USP12: variants seen among roughly 807,000 people sequenced by gnomAD.
The protein encoded by USP12 is ubiquitin carboxyl-terminal hydrolase 12.
In USP12, 19 loss-of-function variants were observed where a neutral mutation model predicts 45.5. That is an observed-to-expected ratio of 0.42 (90% CI 0.29 to 0.61). USP12 has a LOEUF of 0.61. USP12 is among the 20% of genes least tolerant of loss of function. The pLI, the probability that USP12 is intolerant of heterozygous loss-of-function variation, is 0.22. For missense variants in USP12, 242 were observed against 447.7 expected (o/e 0.54, Z 4.15); for synonymous variants, 149 against 148.8 (o/e 1.00, Z -0.01).
At chr13:27,126,513 C>T (rs1219912206) in intron 1 of USP12, among the ~76,000 whole-genome samples, 1 of 152,058 alleles carries the variant, frequency 6.6e-6, no homozygotes, top group East Asian at 1.9e-4. Context: ...CAATGAAAAC[C>T]CTGAACTACA....
Position 27,167,218 on chromosome 13 carries a change from C to A in USP12, c.48+4374G>T, listed in dbSNP as rs60395417. On this transcript the variant is annotated intron_variant, in intron 1 of 8. Transcript: ENST00000282344. The stretch of plus-strand genomic sequence containing the variant: ...TGGAGGTTGCGGTGAGCCAAGATTG[C>A]AGCATTGCACTCCAGCCTGGGCAAC... Among the ~76,000 whole-genome samples, 308 of 151,798 alleles carry A rather than the reference C, an allele frequency of 2.0e-3. 1 individual carries two copies. Among genetic ancestry groups the A allele is most frequent in the Middle Eastern group, 6.8e-3 (2 of 292 alleles).
chr13:27,140,211 G>A (rs374422254), intron 1 of USP12, among the ~76,000 whole-genome samples: 4 of 152,230 alleles, frequency 2.6e-5, no homozygotes, highest in Non-Finnish European at 5.9e-5. Flanking sequence ...TCCCCTGAAA[G>A]CAAAGATGTT....
chr13:27,103,607 A>AAAAAAATAATAATAAT (rs372985958), intron 3 of USP12, among the ~76,000 whole-genome samples: 11 of 128,508 alleles, frequency 8.6e-5, no homozygotes, highest in African/African-American at 3.2e-4. Flanking sequence ...TCAAAAAAAA[A>AAAAAAATAATAATAAT]AATAATAATA....
intron 1 of USP12, among the ~76,000 whole-genome samples, chr13:27,157,222 C>CA (rs1394340921): frequency 6.6e-6 from 1 of 151,970 alleles, no homozygotes; most frequent in Admixed American, 6.6e-5. Context: ...TTTTTATTTT[C>CA]AATAAATTTT....
At chr13:27,081,849 A>G (rs989644527) in intron 6 of USP12, among the ~76,000 whole-genome samples, 2 of 152,230 alleles carry the variant, frequency 1.3e-5, no homozygotes, top group African/African-American at 4.8e-5. Flanking sequence ...TGTATTGTCA[A>G]TAAGCAGTAA....
chr13:27,069,084 T>G lies in USP12; in HGVS notation c.*199A>C. The G allele has an allele frequency of 1.6e-6, 1 of 606,582 alleles. No homozygotes were observed. The highest frequency in any genetic ancestry group is 2.9e-6 in the Non-Finnish European group (1 of 342,708). 37.6% of individuals were successfully genotyped at this position (606,582 alleles called of 1,614,324 possible). ...GTTGTATGGAACTGTACAGACAGCA[T>G]GATACCTGAGCAAATAAATCAACTA... is the stretch of plus-strand genomic sequence containing the variant. On this transcript the variant is annotated 3_prime_UTR_variant, in exon 9 of 9. Coordinates refer to ENST00000282344, the MANE Select transcript of USP12 (RefSeq NM_182488.4).
intron 7 of USP12, 37 bp downstream of exon 7, chr13:27,075,154 A>C: frequency 6.2e-7 from 1 of 1,601,420 alleles, no homozygotes; most frequent in Non-Finnish European, 8.6e-7. Flanking sequence ...CTTCTAACCT[A>C]GGAATTCCAC....
At chr13:27,162,457 C>A (rs1185728074) in intron 1 of USP12, among the ~76,000 whole-genome samples, 1 of 152,198 alleles carries the variant, frequency 6.6e-6, no homozygotes, top group Admixed American at 6.5e-5. Context: ...TGCTGCAGGG[C>A]TGACTTTAAG....
At position 27,117,668 on chromosome 13, in the gene USP12, A is replaced by C. The variant is rs572529003; in HGVS notation, c.49-1072T>G. 7.2e-5 allele frequency: 34 copies of C among 472,826 alleles called. 1 individual carries two copies. Among genetic ancestry groups the C allele is most frequent in the South Asian group, 5.0e-4 (33 of 65,624 alleles). 29.3% of individuals were successfully genotyped at this position (472,826 alleles called of 1,614,324 possible). On this transcript the variant is annotated intron_variant, in intron 1 of 8. Coordinates refer to ENST00000282344, the MANE Select transcript of USP12 (RefSeq NM_182488.4). ...AAAGCAGACCGAAGAATGTATATTA[A>C]ATATACTATATACCTGAGTGAGTGC...
At chr13:27,102,812 GCA>G (rs1874935244) in intron 3 of USP12, among the ~76,000 whole-genome samples, 1 of 152,138 alleles carries the variant, frequency 6.6e-6, no homozygotes, top group Non-Finnish European at 1.5e-5. Context: ...GTACCTGAAG[GCA>G]TATTTCTGTA....
At chr13:27,158,352 C>A (rs1877935797) in intron 1 of USP12, among the ~76,000 whole-genome samples, 1 of 152,164 alleles carries the variant, frequency 6.6e-6, no homozygotes, top group Non-Finnish European at 1.5e-5. Context: ...GGGAACCAAC[C>A]CTGTCGACAT....
chr13:27,116,336 T>C (rs533297195), intron 2 of USP12, among the ~76,000 whole-genome samples, 180 bp downstream of exon 2: 56 of 146,202 alleles, frequency 3.8e-4, no homozygotes, highest in Admixed American at 3.2e-3. Flanking sequence ...AAAAAAAAGA[T>C]GTCAGGCAAC....
At chr13:27,151,248 T>C (rs957235363) in intron 1 of USP12, among the ~76,000 whole-genome samples, 1 of 151,956 alleles carries the variant, frequency 6.6e-6, no homozygotes, top group African/African-American at 2.4e-5. Context: ...CAAGAATCAT[T>C]TGAACACGGG....
At chr13:27,145,774 T>C (rs569111199) in intron 1 of USP12, among the ~76,000 whole-genome samples, 15 of 152,036 alleles carry the variant, frequency 9.9e-5, no homozygotes, top group Non-Finnish European at 1.6e-4. Context: ...TTGTTATCAA[T>C]AGAGAAAATG....
chr13:27,163,393 T>G (rs1302840348), intron 1 of USP12, among the ~76,000 whole-genome samples: 1 of 152,152 alleles, frequency 6.6e-6, no homozygotes, highest in African/African-American at 2.4e-5. Flanking sequence ...CATCCCTCCA[T>G]GTCCACATAA....
At chr13:27,168,100 C>T (rs958013710) in intron 1 of USP12, among the ~76,000 whole-genome samples, 3 of 152,126 alleles carry the variant, frequency 2.0e-5, no homozygotes, top group African/African-American at 7.2e-5. Flanking sequence ...GAAGAAAAGC[C>T]CGTGGGACTC....
intron 1 of USP12, among the ~76,000 whole-genome samples, chr13:27,133,436 G>A (rs1161964509): frequency 6.6e-6 from 1 of 152,026 alleles, no homozygotes; most frequent in African/African-American, 2.4e-5. Context: ...ATACCATCCT[G>A]GCTAACATGG....
chr13:27,171,231 G>A lies in USP12; in HGVS notation c.48+361C>T, dbSNP rs1192972761. Among the ~76,000 whole-genome samples, 3 of 150,346 alleles carry A rather than the reference G, an allele frequency of 2.0e-5. No individual in the cohort carries two copies. The East Asian group carries it at 5.9e-4, about 29-fold the overall frequency. The stretch of plus-strand genomic sequence containing the variant: ...GCGCCCACCCCTCACCCCGGCACAG[G>A]CCGGGCGCGCCTCGGCCCTCGTCCC... On this transcript the variant is annotated intron_variant, in intron 1 of 8. Coordinates refer to ENST00000282344, the MANE Select transcript of USP12 (RefSeq NM_182488.4).
At chr13:27,150,484 G>T (rs1445227896) in intron 1 of USP12, among the ~76,000 whole-genome samples, 2 of 152,142 alleles carry the variant, frequency 1.3e-5, no homozygotes, top group Admixed American at 1.3e-4. Flanking sequence ...TCACAGACTG[G>T]AAGACTTTAA....
Sources: gnomAD v4.1 joint callset for allele counts (sites outside exome capture counted in the v4.1 genomes callset) on GRCh38, gnomAD v4.1.1 for gene constraint, MANE v1.5 for transcripts, NCBI Gene and HGNC (gene_info 2026-07-23, HGNC 2026-07-21) for gene names.